Variants in CDH13 observed in about 807,000 individuals in gnomAD.
The protein encoded by CDH13 is cadherin 13.
A neutral mutation model predicts 63.8 loss-of-function variants in CDH13; 24 were observed. That is an observed-to-expected ratio of 0.38 (90% CI 0.27 to 0.53). The LOEUF is 0.53. CDH13 is among the 20% of genes least tolerant of loss of function. The pLI, the probability that CDH13 is intolerant of heterozygous loss-of-function variation, is 0.85. For missense variants in CDH13, 1,049 were observed against 903.1 expected (o/e 1.16, Z -2.07); for synonymous variants, 503 against 355.3 (o/e 1.42, Z -4.67).
At chr16:82,937,878 T>C (rs1031528600) in intron 2 of CDH13, among the ~76,000 whole-genome samples, 6 of 152,200 alleles carry the variant, frequency 3.9e-5, no homozygotes, top group Non-Finnish European at 8.8e-5. Flanking sequence ...TAAAGTACAA[T>C]TGGATGGAGG....
chr16:83,041,088 C>T (rs975443280), intron 3 of CDH13, among the ~76,000 whole-genome samples: 1 of 152,140 alleles, frequency 6.6e-6, no homozygotes, highest in African/African-American at 2.4e-5. Context: ...AAAGACCTGG[C>T]AGTATTTAAA....
At chr16:82,697,123 C>G (rs1177038180) in intron 1 of CDH13, among the ~76,000 whole-genome samples, 6 of 152,206 alleles carry the variant, frequency 3.9e-5, no homozygotes, top group Non-Finnish European at 7.3e-5. Context: ...GAAATGCATA[C>G]TGAGTCCAGG....
Position 83,799,591 on chromosome 16 carries a change from A to G in CDH13, c.*4561A>G, listed in dbSNP as rs1235291046. On this transcript the variant is annotated 3_prime_UTR_variant, in exon 14 of 14. Coordinates refer to ENST00000567109, the MANE Select transcript of CDH13 (RefSeq NM_001257.5). ...AGGAAACCCAAGCACTAAAAAAGCC[A>G]CCTACCTTTTCTGTTTACCAAATAC... 2.6e-5 allele frequency: 4 copies of G among 152,202 alleles called. No homozygotes were observed. Among genetic ancestry groups the G allele is most frequent in the Non-Finnish European group, 5.9e-5 (4 of 68,036 alleles). 9.4% of individuals were successfully genotyped at this position (152,202 alleles called of 1,614,324 possible).
chr16:82,694,646 T>C (rs1477334180), intron 1 of CDH13, among the ~76,000 whole-genome samples: 2 of 152,206 alleles, frequency 1.3e-5, no homozygotes, highest in Non-Finnish European at 2.9e-5. Flanking sequence ...CCATGCTTCA[T>C]GTTACCAAAA....
intron 7 of CDH13, among the ~76,000 whole-genome samples, chr16:83,509,611 G>C (rs11643677): frequency 0.45 from 68,438 of 151,972 alleles, 16,398 homozygotes; most frequent in East Asian, 0.84. Flanking sequence ...TTCTGGAAAG[G>C]GAGAAAGGAA....
chr16:83,536,618 A>C (rs2075195814), intron 7 of CDH13, among the ~76,000 whole-genome samples: 1 of 152,158 alleles, frequency 6.6e-6, no homozygotes, highest in African/African-American at 2.4e-5. Flanking sequence ...AAATCCTTAA[A>C]GTATATTAAG....
chr16:82,972,497 GC>G (rs771408228), intron 2 of CDH13, among the ~76,000 whole-genome samples: 6 of 152,158 alleles, frequency 3.9e-5, no homozygotes, highest in Non-Finnish European at 8.8e-5. Flanking sequence ...GCAAGTTGTT[GC>G]TAGCCTTGGG....
At chr16:82,775,280 G>A (rs1008574869) in intron 1 of CDH13, among the ~76,000 whole-genome samples, 3 of 152,214 alleles carry the variant, frequency 2.0e-5, no homozygotes, top group African/African-American at 7.2e-5. Context: ...TGATATACAA[G>A]AAAGTCAGCG....
intron 1 of CDH13, among the ~76,000 whole-genome samples, chr16:82,793,728 C>T (rs957984942): frequency 6.6e-6 from 1 of 152,150 alleles, no homozygotes; most frequent in African/African-American, 2.4e-5. Context: ...GCTCGAGATG[C>T]TTGCAATCAA....
intron 8 of CDH13, among the ~76,000 whole-genome samples, chr16:83,625,940 G>C (rs1197198100): frequency 6.6e-6 from 1 of 152,086 alleles, no homozygotes; most frequent in African/African-American, 2.4e-5. Flanking sequence ...GGTGTATTGG[G>C]GTCTTTCCCT....
At chr16:83,625,228 A>G (rs553996067) in intron 8 of CDH13, among the ~76,000 whole-genome samples, 14 of 146,148 alleles carry the variant, frequency 9.6e-5, no homozygotes, top group Non-Finnish European at 1.8e-4. Flanking sequence ...ACGTGTGTCT[A>G]TGTGTGTGTG....
intron 10 of CDH13, among the ~76,000 whole-genome samples, chr16:83,743,674 A>G (rs1912266791): frequency 6.7e-6 from 1 of 149,302 alleles, no homozygotes. Flanking sequence ...TATTTCAAAT[A>G]TGTTGAACCA....
At chr16:82,671,512 A>T (rs1913240292) in intron 1 of CDH13, among the ~76,000 whole-genome samples, 1 of 152,218 alleles carries the variant, frequency 6.6e-6, no homozygotes, top group Non-Finnish European at 1.5e-5. Context: ...AAACGATTAC[A>T]CCTATACCTT....
At chr16:83,313,002 G>C (rs2090033298) in intron 5 of CDH13, among the ~76,000 whole-genome samples, 1 of 152,214 alleles carries the variant, frequency 6.6e-6, no homozygotes, top group Admixed American at 6.5e-5. Context: ...AGGATCACAT[G>C]AGATGCAGCT....
intron 2 of CDH13, among the ~76,000 whole-genome samples, chr16:83,016,177 G>C (rs1055766227): frequency 6.6e-6 from 1 of 152,150 alleles, no homozygotes; most frequent in Non-Finnish European, 1.5e-5. Context: ...GGCCTACAGG[G>C]CTGATTATTT....
intron 2 of CDH13, among the ~76,000 whole-genome samples, chr16:83,026,234 C>T (rs1421341076): frequency 2.6e-5 from 4 of 152,196 alleles, no homozygotes; most frequent in African/African-American, 9.7e-5. Flanking sequence ...CATGTTGGGG[C>T]AACTGTCCTT....
chr16:82,926,462 T>A (rs1255118240), intron 2 of CDH13, among the ~76,000 whole-genome samples: 1 of 152,218 alleles, frequency 6.6e-6, no homozygotes, highest in Non-Finnish European at 1.5e-5. Context: ...ATTCTCAGCC[T>A]GTCCAGATTG....
At chr16:83,014,345 TTAGCATC>T (rs979111423) in intron 2 of CDH13, among the ~76,000 whole-genome samples, 13 of 143,642 alleles carry the variant, frequency 9.1e-5, no homozygotes, top group Admixed American at 9.0e-4. Flanking sequence ...AAAAAAAAAC[TTAGCATC>T]TAACTAAATT....
At chr16:82,697,020 C>A (rs2030382306) in intron 1 of CDH13, among the ~76,000 whole-genome samples, 1 of 152,120 alleles carries the variant, frequency 6.6e-6, no homozygotes, top group Non-Finnish European at 1.5e-5. Context: ...TGTGAAATAT[C>A]CCAGAGAGAA....
Sources: gnomAD v4.1 joint callset for allele counts (sites outside exome capture counted in the v4.1 genomes callset) on GRCh38, gnomAD v4.1.1 for gene constraint, MANE v1.5 for transcripts, NCBI Gene and HGNC (gene_info 2026-07-23, HGNC 2026-07-21) for gene names.